MDGA2: variants seen among roughly 807,000 people sequenced by gnomAD.
MDGA2 encodes MAM domain containing glycosylphosphatidylinositol anchor 2.
In MDGA2, 40 loss-of-function variants were observed where a neutral mutation model predicts 117.8. That is an observed-to-expected ratio of 0.34 (90% confidence interval 0.26 to 0.44). The LOEUF (loss-of-function observed/expected upper bound fraction) is 0.44. MDGA2 is among the 20% of genes least tolerant of loss of function. The pLI is 1.00. For synonymous variants in MDGA2, 452 were observed against 439.0 expected, an observed-to-expected ratio of 1.03 and a Z score of -0.37; for missense variants, 1,123 against 1,250.6, an observed-to-expected ratio of 0.90 and a Z score of 1.54.
At chr14:47,533,030 T>C (rs1179771618) in intron 1 of MDGA2, among the ~76,000 whole-genome samples, 1 of 152,236 alleles carries the variant, frequency 6.6e-6, no homozygotes, top group African/African-American at 2.4e-5. Flanking sequence ...GAAGTCAGCA[T>C]CTTTTCTGAC....
At chr14:47,084,688 G>A (rs1462927298) in intron 6 of MDGA2, among the ~76,000 whole-genome samples, 4 of 152,134 alleles carry the variant, frequency 2.6e-5, no homozygotes, top group Non-Finnish European at 5.9e-5. Context: ...AAAGTTATCA[G>A]AGTGGAGACC....
intron 6 of MDGA2, among the ~76,000 whole-genome samples, chr14:47,087,131 T>C (rs1890929771): frequency 6.6e-6 from 1 of 152,168 alleles, no homozygotes; most frequent in South Asian, 2.1e-4. Context: ...TCTTCAATAA[T>C]TATATGTTAA....
chr14:47,001,128 A>T (rs1353950181), intron 8 of MDGA2, among the ~76,000 whole-genome samples: 1 of 152,076 alleles, frequency 6.6e-6, no homozygotes, highest in Non-Finnish European at 1.5e-5. Context: ...TAACCTGTCA[A>T]ATCAGGAACA....
chr14:47,092,258 G>C (rs576879663), intron 6 of MDGA2, among the ~76,000 whole-genome samples: 67 of 152,234 alleles, frequency 4.4e-4, no homozygotes, highest in African/African-American at 1.5e-3. Flanking sequence ...TCACCTTCAA[G>C]AATGCAGTAA....
intron 1 of MDGA2, among the ~76,000 whole-genome samples, chr14:47,579,103 A>T (rs1566524813): frequency 6.6e-6 from 1 of 152,156 alleles, no homozygotes; most frequent in Non-Finnish European, 1.5e-5. Flanking sequence ...TTGAAAAGTT[A>T]CAATTTGTAA....
At chr14:46,873,964 G>T in intron 13 of MDGA2, 81 bp downstream of exon 13, 2 of 1,095,942 alleles carry the variant, frequency 1.8e-6, no homozygotes, top group Non-Finnish European at 2.6e-6. Context: ...CAAATATATG[G>T]CTAAATATTA....
At chr14:47,100,579 G>GA (rs1254150844) in intron 5 of MDGA2, among the ~76,000 whole-genome samples, 6 of 152,028 alleles carry the variant, frequency 3.9e-5, no homozygotes, top group Non-Finnish European at 8.8e-5. Flanking sequence ...CAACATGTGA[G>GA]ATAGATTATT....
intron 14 of MDGA2, among the ~76,000 whole-genome samples, chr14:46,861,452 T>C (rs1235648220): frequency 6.6e-6 from 1 of 151,874 alleles, no homozygotes; most frequent in African/African-American, 2.4e-5. Context: ...ACTTGAGTTA[T>C]TTCTATTTAT....
Position 47,411,308 on chromosome 14 carries a change from T to C in MDGA2, c.281-109758A>G, listed in dbSNP as rs535739432. 2.5e-3 allele frequency among the ~76,000 whole-genome samples: 373 copies of C among 151,824 alleles called. 1 individual carries two copies. The highest frequency in any genetic ancestry group is 8.5e-3 in the African/African-American group (353 of 41,360). On this transcript the variant is annotated intron_variant, in intron 1 of 16. Transcript: ENST00000399232. ...CAAGCTTTCAGAGTACACTACAGAG[T>C]ATAATATTAAAAGAGGGAAAGAAAA...
At chr14:47,449,250 T>C (rs1215206032) in intron 1 of MDGA2, among the ~76,000 whole-genome samples, 1 of 152,136 alleles carries the variant, frequency 6.6e-6, no homozygotes, top group Non-Finnish European at 1.5e-5. Flanking sequence ...TATACTTTCA[T>C]TTAAACACTA....
At chr14:47,518,566 T>C (rs1389417420) in intron 1 of MDGA2, among the ~76,000 whole-genome samples, 1 of 152,212 alleles carries the variant, frequency 6.6e-6, no homozygotes, top group Non-Finnish European at 1.5e-5. Context: ...CAAAAAGCAT[T>C]TGCCAAAAAA....
At chr14:47,164,921 A>T (rs942922330) in intron 3 of MDGA2, among the ~76,000 whole-genome samples, 3 of 152,246 alleles carry the variant, frequency 2.0e-5, no homozygotes, top group Non-Finnish European at 4.4e-5. Context: ...CTATGCAGCC[A>T]TAAAAAATGA....
At chr14:47,086,397 T>C (rs898417128) in intron 6 of MDGA2, among the ~76,000 whole-genome samples, 1 of 152,056 alleles carries the variant, frequency 6.6e-6, no homozygotes, top group African/African-American at 2.4e-5. Context: ...GCACTGACAT[T>C]GGAGGAATTT....
chr14:47,441,003 A>G (rs1199608692), intron 1 of MDGA2, among the ~76,000 whole-genome samples: 1 of 152,116 alleles, frequency 6.6e-6, no homozygotes, highest in Admixed American at 6.6e-5. Context: ...GCTGTATTAC[A>G]ATACAGTAAG....
chr14:46,865,736 A>G (rs951386273), intron 14 of MDGA2, among the ~76,000 whole-genome samples: 12 of 152,216 alleles, frequency 7.9e-5, no homozygotes, highest in Admixed American at 2.6e-4. Flanking sequence ...AAGCATTCTT[A>G]TACACCAATA....
chr14:47,541,578 C>T (rs1292169639), intron 1 of MDGA2, among the ~76,000 whole-genome samples: 1 of 152,170 alleles, frequency 6.6e-6, no homozygotes, highest in Non-Finnish European at 1.5e-5. Context: ...TCTATTCTTT[C>T]AGCCTTTTCT....
chr14:47,637,696 G>A (rs770076803), intron 1 of MDGA2, among the ~76,000 whole-genome samples: 4 of 152,098 alleles, frequency 2.6e-5, no homozygotes, highest in African/African-American at 4.8e-5. Context: ...AAACTCATGC[G>A]AATTCACCAT....
Position 46,855,190 on chromosome 14 carries a change from A to C in MDGA2, c.2753-36T>G, listed in dbSNP as rs1167835780. ...CAATAAAATTTTATTTTGCATATTC[A>C]TTTTCACCTCAAATTTGTTTTTCCT... On this transcript the variant is annotated intron_variant, in intron 14 of 16. Coordinates refer to ENST00000399232, the MANE Select transcript of MDGA2 (RefSeq NM_001113498.3). The surrounding 1 kb of genome is among the most constrained non-coding windows in gnomAD (Gnocchi z 4.1). 23 of 1,564,800 alleles carry C rather than the reference A, an allele frequency of 1.5e-5. No homozygotes were observed. Among genetic ancestry groups the C allele is most frequent in the Non-Finnish European group, 2.0e-5 (23 of 1,156,268 alleles).
intron 1 of MDGA2, among the ~76,000 whole-genome samples, chr14:47,519,186 T>C (rs1043195404): frequency 6.6e-6 from 1 of 152,158 alleles, no homozygotes; most frequent in Non-Finnish European, 1.5e-5. Context: ...GCTTGGGCGA[T>C]AGAGCAAGAC....
Sources: allele counts gnomAD v4.1 joint callset (sites outside exome capture counted in the v4.1 genomes callset), GRCh38; gene constraint gnomAD v4.1.1; non-coding constraint Gnocchi (gnomAD v3.1); transcripts MANE v1.5; gene names NCBI Gene and HGNC (gene_info 2026-07-23, HGNC 2026-07-21).